The following GPC6 variants were observed in gnomAD, a reference collection of about 807,000 sequenced individuals.
The protein encoded by GPC6 is glypican 6.
GPC6 carries 14 observed loss-of-function variants against 55.2 expected under a neutral mutation model. That is an observed-to-expected ratio of 0.25 (90% CI 0.17 to 0.40). The LOEUF (loss-of-function observed/expected upper bound fraction) is 0.40. Ranked by LOEUF, GPC6 falls within the 10% of genes least tolerant of loss-of-function variation. The probability of loss-of-function intolerance (pLI) is 1.00; values close to 1 mark genes in which losing one functional copy is unlikely to be tolerated. For synonymous variants in GPC6, 278 were observed against 259.6 expected, an observed-to-expected ratio of 1.07 and a Z score of -0.68; for missense variants, 641 against 708.5, an observed-to-expected ratio of 0.90 and a Z score of 1.08.
intron 2 of GPC6, among the ~76,000 whole-genome samples, chr13:93,642,492 T>C (rs1214278108): frequency 2.0e-5 from 3 of 152,114 alleles, no homozygotes; most frequent in Admixed American, 6.6e-5. Context: ...GAATGATTTA[T>C]TGTCCTTTGG....
chr13:93,749,551 A>T (rs1360677966), intron 2 of GPC6, among the ~76,000 whole-genome samples: 1 of 152,090 alleles, frequency 6.6e-6, no homozygotes, highest in Non-Finnish European at 1.5e-5. Flanking sequence ...ATTTTCAAAC[A>T]GATTACATTA....
At chr13:93,893,720 C>A (rs972004824) in intron 3 of GPC6, among the ~76,000 whole-genome samples, 1 of 152,182 alleles carries the variant, frequency 6.6e-6, no homozygotes, top group Non-Finnish European at 1.5e-5. Context: ...ATCAGAAGAT[C>A]TGAGCTTTCC....
intron 1 of GPC6, among the ~76,000 whole-genome samples, chr13:93,461,812 A>G (rs1293454548): frequency 1.3e-5 from 2 of 152,134 alleles, no homozygotes; most frequent in Non-Finnish European, 2.9e-5. Flanking sequence ...TCATAACCTC[A>G]TATCATGCCT....
chr13:94,102,284 A>G (rs1885892559), intron 4 of GPC6, among the ~76,000 whole-genome samples: 1 of 152,142 alleles, frequency 6.6e-6, no homozygotes, highest in African/African-American at 2.4e-5. Flanking sequence ...GGAAGAATAC[A>G]TGTTACTGAC....
chr13:93,749,261 A>G (rs540595770), intron 2 of GPC6, among the ~76,000 whole-genome samples: 31 of 152,058 alleles, frequency 2.0e-4, no homozygotes, highest in African/African-American at 7.0e-4. Flanking sequence ...TTTGTAGTTC[A>G]TATTTTCCAA....
At chr13:93,796,910 G>T (rs1886212932) in intron 2 of GPC6, among the ~76,000 whole-genome samples, 1 of 70,786 alleles carries the variant, frequency 1.4e-5, no homozygotes, top group Non-Finnish European at 2.9e-5. Context: ...ATGCACACCA[G>T]TTTCATCCGT....
At chr13:93,809,121 A>G (rs1231465274) in intron 2 of GPC6, among the ~76,000 whole-genome samples, 1 of 152,166 alleles carries the variant, frequency 6.6e-6, no homozygotes, top group Non-Finnish European at 1.5e-5. Flanking sequence ...ACTCTGAAAA[A>G]CTATCAGTCT....
chr13:93,979,657 A>G (rs1009681414), intron 3 of GPC6, among the ~76,000 whole-genome samples: 17 of 152,106 alleles, frequency 1.1e-4, no homozygotes, highest in African/African-American at 3.6e-4. Context: ...CAACGCATTA[A>G]ACAAGGCACT....
chr13:94,325,788 G>A (rs1436170262), intron 6 of GPC6, among the ~76,000 whole-genome samples: 3 of 152,150 alleles, frequency 2.0e-5, no homozygotes, highest in Non-Finnish European at 2.9e-5. Flanking sequence ...GAGCTCTTTG[G>A]TTTACCATGT....
intron 3 of GPC6, among the ~76,000 whole-genome samples, chr13:94,017,303 T>C (rs1437562595): frequency 1.3e-5 from 2 of 152,192 alleles, no homozygotes; most frequent in African/African-American, 4.8e-5. Flanking sequence ...TAGTCCATTT[T>C]TATACTGCCA....
intron 2 of GPC6, among the ~76,000 whole-genome samples, chr13:93,780,050 G>T (rs911257487): frequency 6.6e-6 from 1 of 152,226 alleles, no homozygotes; most frequent in East Asian, 1.9e-4. Context: ...TGAATACCTA[G>T]ATCAGGAGAA....
intron 3 of GPC6, among the ~76,000 whole-genome samples, chr13:93,962,550 A>T (rs1346199769): frequency 1.3e-5 from 2 of 152,162 alleles, no homozygotes; most frequent in Non-Finnish European, 2.9e-5. Context: ...GAAACGAATA[A>T]GTGCATGAAG....
chr13:93,227,680 C>A lies in GPC6; in HGVS notation c.160+64C>A. 7.6e-7 allele frequency: 1 copy of A among 1,307,796 alleles called. No individual in the cohort carries two copies. The highest frequency in any genetic ancestry group is 1.1e-6 in the Non-Finnish European group (1 of 943,336). 81.0% of individuals were successfully genotyped at this position (1,307,796 alleles called of 1,614,324 possible). A position where few individuals can be genotyped will look rare whatever the true frequency, so the allele number is the denominator to read the frequency against. On this transcript the variant is annotated intron_variant, in intron 1 of 8. Coordinates refer to ENST00000377047, the MANE Select transcript of GPC6 (RefSeq NM_005708.5). The surrounding 1 kb of genome is among the most constrained non-coding windows in gnomAD (Gnocchi z 4.3). ...CGGCTGCCGCACGTCCCACTGGCCG[C>A]CCGGCGTCCCCTTCCTTCCCCCTGT...
At chr13:93,901,037 G>A (rs1416328610) in intron 3 of GPC6, among the ~76,000 whole-genome samples, 3 of 152,152 alleles carry the variant, frequency 2.0e-5, no homozygotes, top group Admixed American at 6.5e-5. Context: ...ATGTACTCAC[G>A]AAAGTAAAGA....
chr13:93,701,363 T>C (rs547873911), intron 2 of GPC6, among the ~76,000 whole-genome samples: 3 of 152,112 alleles, frequency 2.0e-5, no homozygotes, highest in African/African-American at 7.2e-5. Context: ...GCATTATGGA[T>C]TAAAAAAAGT....
chr13:94,237,560 A>G (rs1890916544), intron 4 of GPC6, among the ~76,000 whole-genome samples: 1 of 152,150 alleles, frequency 6.6e-6, no homozygotes, highest in Non-Finnish European at 1.5e-5. Context: ...TGAAATGTAA[A>G]TGACAAGGAG....
At chr13:94,036,510 C>T (rs951598901) in intron 4 of GPC6, among the ~76,000 whole-genome samples, 2 of 151,920 alleles carry the variant, frequency 1.3e-5, no homozygotes, top group African/African-American at 4.8e-5. Context: ...CTTCTAGAAA[C>T]ATAACAGCGA....
At chr13:94,035,121 A>C (rs1290418952) in intron 4 of GPC6, among the ~76,000 whole-genome samples, 1 of 151,944 alleles carries the variant, frequency 6.6e-6, no homozygotes, top group African/African-American at 2.4e-5. Context: ...TTACTCTTCA[A>C]TGTATTTTCT....
intron 5 of GPC6, among the ~76,000 whole-genome samples, chr13:94,297,878 T>G (rs1875429080): frequency 6.6e-6 from 1 of 151,812 alleles, no homozygotes; most frequent in Non-Finnish European, 1.5e-5. Context: ...TAATCAATCT[T>G]TAAGGAAAGA....
Sources: allele counts gnomAD v4.1 joint callset (sites outside exome capture counted in the v4.1 genomes callset), GRCh38; gene constraint gnomAD v4.1.1; non-coding constraint Gnocchi (gnomAD v3.1); transcripts MANE v1.5; gene names NCBI Gene and HGNC (gene_info 2026-07-23, HGNC 2026-07-21).